LRRC34: variants seen among roughly 807,000 people sequenced by gnomAD.
The protein encoded by LRRC34 is leucine rich repeat containing 34, also known as leucine-rich repeat-containing protein 34.
In LRRC34, 44 loss-of-function variants were observed where a neutral mutation model predicts 48.5. The ratio of observed to expected loss-of-function variants is 0.91; its 90% CI spans 0.71 to 1.17. The LOEUF (loss-of-function observed/expected upper bound fraction) is 1.17, where lower values mean the gene tolerates loss of function less well. Ranked by LOEUF, LRRC34 falls within the 50% of genes most tolerant of loss-of-function variation. The pLI, the probability that LRRC34 is intolerant of heterozygous loss-of-function variation, is 0.00. For missense variants in LRRC34, 502 were observed against 563.0 expected (o/e 0.89, Z 1.10); for synonymous variants, 192 against 197.6 (o/e 0.97, Z 0.24).
chr3:169,794,068 A>T (rs893181239), intron 10 of LRRC34: 1 of 395,626 alleles, frequency 2.5e-6, no homozygotes, highest in Non-Finnish European at 4.5e-6. Flanking sequence ...CTAACTTTTA[A>T]TGTATTAGAC....
rs1174078729 is a variant in LRRC34, at chr3:169,796,241, A to G, written c.1037T>C (p.Leu346Pro). 1 of 1,610,944 alleles carries G rather than the reference A, an allele frequency of 6.2e-7. No individual in the cohort carries two copies. Among genetic ancestry groups the G allele is most frequent in the Admixed American group, 1.7e-5 (1 of 59,156 alleles). Residue 346 changes from leucine to proline, a missense_variant, in exon 9 of 11, where the codon CTT (leucine) becomes CCT (proline). Physicochemically the swap from Leu to Pro is moderately conservative, Grantham distance 98 (BLOSUM62 -3). Transcript: ENST00000446859. ...NAGANYLSET[L>P]TSHNRSLKAL... ...TTTAAGACTCCTGTTGTGTGAAGTA[A>G]GAGTTTCACTGAGATAGTTTGCGCC...
intron 6 of LRRC34, among the ~76,000 whole-genome samples, chr3:169,802,659 G>T (rs570333278): frequency 6.6e-6 from 1 of 152,176 alleles, no homozygotes; most frequent in Admixed American, 6.5e-5. Flanking sequence ...GAACCACACT[G>T]GCTGCATCTA....
chr3:169,795,920 A>C (rs1049095378), intron 9 of LRRC34: 2 of 680,130 alleles, frequency 2.9e-6, no homozygotes, highest in Admixed American at 9.3e-5. Context: ...CTTACTTTTA[A>C]AAGTCTTGAT....
chr3:169,811,868 G>A (rs1036157412), intron 1 of LRRC34, among the ~76,000 whole-genome samples: 1 of 151,318 alleles, frequency 6.6e-6, no homozygotes, highest in African/African-American at 2.5e-5. Context: ...ACACAGTTCC[G>A]TATCCACAAA....
intron 1 of LRRC34, among the ~76,000 whole-genome samples, chr3:169,810,793 G>C (rs1480714171): frequency 6.6e-6 from 1 of 152,218 alleles, no homozygotes; most frequent in South Asian, 2.1e-4. Flanking sequence ...GGCCGGGTGC[G>C]GTGGCTTACG....
At chr3:169,802,653 C>G (rs984678211) in intron 6 of LRRC34, among the ~76,000 whole-genome samples, 1 of 152,060 alleles carries the variant, frequency 6.6e-6, no homozygotes, top group Non-Finnish European at 1.5e-5. Context: ...TTCCCAGAAC[C>G]ACACTGGCTG....
At position 169,808,689 on chromosome 3, in the gene LRRC34, G is replaced by A. The variant is rs1170217067; in HGVS notation, c.196C>T (p.Gln66Ter). The stretch of plus-strand genomic sequence containing the variant: ...TGCAATATAAAAGGATTAATTTTCT[G>A]GGATTTTTCCATACACAGATTAGAA... ...HYSNLCMEKS[Q>*]KINPFILHIL... is the part of the protein sequence containing the mutation. The change falls in exon 2 of 11, where the codon CAG becomes TAG. Residue 66 changes from glutamine (Q) to a stop codon, truncating the protein, a stop_gained. Coordinates refer to ENST00000446859, the MANE Select transcript of LRRC34 (RefSeq NM_001172779.2). LOFTEE classifies it high-confidence loss of function. 1.3e-6 allele frequency: 2 copies of A among 1,596,974 alleles called. No individual in the cohort carries two copies. Among genetic ancestry groups the A allele is most frequent in the Non-Finnish European group, 1.7e-6 (2 of 1,168,742 alleles).
At chr3:169,796,942 G>T (rs1779013042) in intron 7 of LRRC34, 43 bp from the exon 8 acceptor site, 3 of 1,410,482 alleles carry the variant, frequency 2.1e-6, no homozygotes, top group Non-Finnish European at 2.8e-6. Context: ...TAATTTTGAA[G>T]TAGTACATGT....
rs1779051351 is a variant in LRRC34, at chr3:169,797,894, C to G, written c.754-995G>C. On this transcript the variant is annotated intron_variant, in intron 7 of 10. Transcript: ENST00000446859. ...AAAGTAGCTGAAATTATGCTTCCCT[C>G]ACAGAAATAAGTTAACTAATAAAAG... 2.6e-5 allele frequency among the ~76,000 whole-genome samples: 4 copies of G among 152,266 alleles called. No homozygotes were observed. In the South Asian group the frequency reaches 8.3e-4, roughly 32 times the overall value.
intron 2 of LRRC34, 182 bp from the exon 3 acceptor site, chr3:169,807,891 A>T: frequency 2.9e-6 from 2 of 685,542 alleles, no homozygotes; most frequent in Non-Finnish European, 4.5e-6. Context: ...AAACTACTGA[A>T]CATTCTGCAG....
intron 1 of LRRC34, among the ~76,000 whole-genome samples, chr3:169,809,149 C>G (rs1366470324): frequency 6.6e-6 from 1 of 150,752 alleles, no homozygotes; most frequent in Non-Finnish European, 1.5e-5. Flanking sequence ...CAAACTGATT[C>G]CAAAACCTCT....
chr3:169,808,051 G>T (rs1032249424), intron 2 of LRRC34: 5 of 188,050 alleles, frequency 2.7e-5, no homozygotes, highest in Admixed American at 6.0e-5. Context: ...GGTGGTTCAC[G>T]CCTGTAATCC....
rs67795055 is a variant in LRRC34, at chr3:169,812,107, C to A, written c.139+303G>T. 0.22 allele frequency among the ~76,000 whole-genome samples: 32,602 copies of A among 149,130 alleles called. 4,522 individuals carry two copies. Among genetic ancestry groups the A allele is most frequent in the East Asian group, 0.61 (2,980 of 4,852 alleles). ...CCCCCCCGCCACCCCCTCCCGGAGA[C>A]CCTGAGAGCACGGCGACAGACACCA... On this transcript the variant is annotated intron_variant, in intron 1 of 10. Coordinates refer to ENST00000446859, the MANE Select transcript of LRRC34 (RefSeq NM_001172779.2). This position sits in a 1 kb window ranked among gnomAD's most constrained non-coding sequence, Gnocchi z 4.3.
intron 6 of LRRC34, among the ~76,000 whole-genome samples, chr3:169,801,917 C>A (rs1779205322): frequency 6.6e-6 from 1 of 152,108 alleles, no homozygotes; most frequent in South Asian, 2.1e-4. Context: ...TTCAAGCAAT[C>A]CTCCCACCTC....
chr3:169,799,781 C>T (rs1375996086), intron 7 of LRRC34, among the ~76,000 whole-genome samples: 2 of 152,208 alleles, frequency 1.3e-5, no homozygotes, highest in Non-Finnish European at 2.9e-5. Context: ...GGTGCAATCT[C>T]GGCTCACTGC....
rs746704221 is a variant in LRRC34 at position 169,812,738 on chromosome 3, G to A, written c.-190C>T. The A allele has an allele frequency of 4.2e-4, 330 of 786,354 alleles. 1 individual carries two copies. The Middle Eastern group carries it at 0.013, about 30-fold the overall frequency. The allele number at this position is 786,354 out of a possible 1,614,324, so 48.7% of individuals were successfully genotyped here. A position where few individuals can be genotyped will look rare whatever the true frequency, so the allele number is the denominator to read the frequency against. On this transcript the variant is annotated 5_prime_UTR_variant, in exon 1 of 11. Coordinates refer to ENST00000446859, the MANE Select transcript of LRRC34 (RefSeq NM_001172779.2). The surrounding 1 kb of genome is among the most constrained non-coding windows in gnomAD (Gnocchi z 4.3). ...CTGGTTAAAGGCAGCCTGAGGGAGG[G>A]CGTCCTGGCTCCTTTGCAGGGAGGA...
intron 7 of LRRC34, 28 bp downstream of exon 7, chr3:169,800,628 TATA>T: frequency 7.4e-7 from 1 of 1,351,852 alleles, no homozygotes; most frequent in Non-Finnish European, 1.0e-6. Context: ...TTCATGTTGT[TATA>T]TTAACTACCA....
chr3:169,811,595 G>A (rs1275269839), intron 1 of LRRC34, among the ~76,000 whole-genome samples: 2 of 152,086 alleles, frequency 1.3e-5, no homozygotes, highest in Non-Finnish European at 2.9e-5. Flanking sequence ...TTTCATCCAC[G>A]CCTCTGGCAG....
intron 1 of LRRC34, among the ~76,000 whole-genome samples, chr3:169,810,695 G>T (rs1338976668): frequency 6.6e-6 from 1 of 152,202 alleles, no homozygotes; most frequent in Admixed American, 6.5e-5. Flanking sequence ...ACTATACACA[G>T]ACACAACACT....
Sources: gnomAD v4.1 joint callset for allele counts (sites outside exome capture counted in the v4.1 genomes callset) on GRCh38, gnomAD v4.1.1 for gene constraint, Gnocchi (gnomAD v3.1) non-coding constraint, MANE v1.5 for transcripts, NCBI Gene and HGNC (gene_info 2026-07-23, HGNC 2026-07-21) for gene names.